The following SIGLEC10 variants were observed in gnomAD, a reference collection of about 807,000 sequenced individuals.
SIGLEC10 encodes sialic acid-binding Ig-like lectin 10.
SIGLEC10 carries 45 observed loss-of-function variants against 68.3 expected under a neutral mutation model. The ratio of observed to expected loss-of-function variants is 0.66; its 90% CI spans 0.52 to 0.84. SIGLEC10 has a LOEUF of 0.84. Among genes scored for constraint, SIGLEC10 ranks in the 40% least tolerant of loss-of-function variants. The pLI, the probability that SIGLEC10 is intolerant of heterozygous loss-of-function variation, is 0.00. For missense variants in SIGLEC10, 789 were observed against 883.1 expected, an observed-to-expected ratio of 0.89 and a Z score of 1.35; for synonymous variants, 379 against 370.8, an observed-to-expected ratio of 1.02 and a Z score of -0.26.
intron 10 of SIGLEC10, among the ~76,000 whole-genome samples, chr19:51,413,271 G>A (rs1475439113): frequency 6.6e-6 from 1 of 152,136 alleles, no homozygotes; most frequent in Non-Finnish European, 1.5e-5. Flanking sequence ...TAAAGAAATT[G>A]AGGCACAGAG....
chr19:51,413,387 G>A (rs778910666), intron 10 of SIGLEC10, among the ~76,000 whole-genome samples: 17 of 152,120 alleles, frequency 1.1e-4, no homozygotes, highest in Non-Finnish European at 1.9e-4. Context: ...CCAGCCTCCC[G>A]ATGATACACA....
At position 51,415,306 on chromosome 19, in the gene SIGLEC10, G is replaced by A; in HGVS notation, c.1205C>T (p.Ser402Phe). The stretch of plus-strand genomic sequence containing the variant: ...CAGGACCCCGGGGTCTGAGGGCTGG[G>A]AGGGGCTCAGAACCTGTCCCCTCTG... The part of the protein sequence containing the change: ...WTQRGQVLSP[S>F]QPSDPGVLEL... Residue 402 changes from serine (S) to phenylalanine (F), a missense_variant, in exon 7 of 11, where the codon TCC becomes TTC. Transcript: ENST00000339313. The A allele has an allele frequency of 6.2e-7, 1 of 1,614,060 alleles. No individual in the cohort carries two copies. The highest frequency in any genetic ancestry group is 8.5e-7 in the Non-Finnish European group (1 of 1,179,960).
intron 3 of SIGLEC10, 141 bp from the exon 4 acceptor site, chr19:51,416,498 G>T: frequency 6.3e-7 from 1 of 1,588,022 alleles, no homozygotes; most frequent in South Asian, 1.1e-5. Context: ...GTGTGGACCA[G>T]ACGCCATTCC....
chr19:51,411,211 C>T lies in SIGLEC10; in HGVS notation c.1982G>A (p.Ser661Asn). The T allele has an allele frequency of 1.9e-6, 3 of 1,613,434 alleles. No homozygotes were observed. The South Asian group carries it at 3.3e-5, about 18-fold the overall frequency. ...SSTQAPESQE[S>N]QEELHYATLN... ...CGTGGCATAATGGAGCTCCTCTTGG[C>T]TCTCCTGGGATTCTGGGGCTTGAGT... The change falls in exon 11 of 11, where the codon AGC becomes AAC. Residue 661 changes from serine to asparagine, a missense_variant. Coordinates refer to ENST00000339313, the MANE Select transcript of SIGLEC10 (RefSeq NM_033130.5).
Position 51,414,712 on chromosome 19 carries a change from A to T in SIGLEC10, c.1615+112T>A. ...ATTGTGTTTTCCTGTCTACATACAG[A>T]TGCCACGGGTCTGCTGTGTCCCTCC... On this transcript the variant is annotated intron_variant, in intron 8 of 10. Coordinates refer to ENST00000339313, the MANE Select transcript of SIGLEC10 (RefSeq NM_033130.5). The surrounding 1 kb of genome is among the most constrained non-coding windows in gnomAD (Gnocchi z 4.1). 1 of 1,528,290 alleles carries T rather than the reference A, an allele frequency of 6.5e-7. No individual in the cohort carries two copies. Among genetic ancestry groups the T allele is most frequent in the African/African-American group, 1.4e-5 (1 of 71,812 alleles). The allele number at this position is 1,528,290 out of a possible 1,614,324, so 94.7% of individuals were successfully genotyped here. A position where few individuals can be genotyped will look rare whatever the true frequency, so the allele number is the denominator to read the frequency against.
chr19:51,416,525 CT>C lies in SIGLEC10; in HGVS notation c.706+140del, dbSNP rs1434114366. 3.2e-6 allele frequency: 5 copies of C among 1,571,298 alleles called. No homozygotes were observed. The Admixed American group carries it at 9.4e-5, about 30-fold the overall frequency. The stretch of plus-strand genomic sequence containing the variant: ...CGCCATTCCCATCCCCCTCCCAGGG[CT>C]GCGGCGGCATCCTGGGACCCCACAG... On this transcript the variant is annotated intron_variant, in intron 3 of 10. Coordinates refer to ENST00000339313, the MANE Select transcript of SIGLEC10 (RefSeq NM_033130.5).
chr19:51,414,401 C>T lies in SIGLEC10; in HGVS notation c.1709+21G>A. On this transcript the variant is annotated intron_variant, in intron 9 of 10. Coordinates refer to ENST00000339313, the MANE Select transcript of SIGLEC10 (RefSeq NM_033130.5). The surrounding 1 kb of genome is among the most constrained non-coding windows in gnomAD (Gnocchi z 4.1). Reference sequence around the variant, plus strand: ...TCCTGGGTCCAGGCCCCAGACCCCGCCACGCCTCCTCTTAACCTACATGAT... The same window carrying T: ...TCCTGGGTCCAGGCCCCAGACCCCGTCACGCCTCCTCTTAACCTACATGAT... 1 of 1,607,172 alleles carries T rather than the reference C, an allele frequency of 6.2e-7. No homozygotes were observed. Among genetic ancestry groups the T allele is most frequent in the Non-Finnish European group, 8.5e-7 (1 of 1,175,912 alleles).
Position 51,411,505 on chromosome 19 carries a change from T to C in SIGLEC10, c.1822-134A>G, listed in dbSNP as rs575733067. 37 of 1,148,398 alleles carry C rather than the reference T, an allele frequency of 3.2e-5. No homozygotes were observed. The Admixed American group carries it at 1.0e-3, about 31-fold the overall frequency. 71.1% of individuals were successfully genotyped at this position (1,148,398 alleles called of 1,614,324 possible). On this transcript the variant is annotated intron_variant, in intron 10 of 10. Transcript: ENST00000339313. ...TGCCTTGCTGAGCTTGCATTCCATC[T>C]TGGAAGGAGGAACAGACAATAATTA...
intron 10 of SIGLEC10, 94 bp from the exon 11 acceptor site, chr19:51,411,465 C>CT: frequency 6.7e-7 from 1 of 1,491,376 alleles, no homozygotes; most frequent in South Asian, 1.3e-5. Flanking sequence ...CAGAGTGAAA[C>CT]TAAGTCCCTG....
chr19:51,412,452 G>C (rs1419579822), intron 10 of SIGLEC10, among the ~76,000 whole-genome samples: 3 of 151,972 alleles, frequency 2.0e-5, no homozygotes, highest in African/African-American at 7.3e-5. Context: ...CTAAGATGGG[G>C]ATAGAGATGG....
Position 51,415,227 on chromosome 19 carries a change from C to T in SIGLEC10, c.1284G>A (p.Arg428=). 6.2e-7 allele frequency: 1 copy of T among 1,613,386 alleles called. No homozygotes were observed. Among genetic ancestry groups the T allele is most frequent in the Non-Finnish European group, 8.5e-7 (1 of 1,179,578 alleles). ...EHEGEFTCHA[R]HPLGSQHVSL... is the part of the protein sequence containing the mutation. ...AGACGTGCTGGGAGCCCAGTGGGTG[C>T]CGAGCGTGGCAGGTGAACTCTCCTT... Residue 428 remains arginine (R), a synonymous_variant, in exon 7 of 11, where the codon CGG becomes CGA. Coordinates refer to ENST00000339313, the MANE Select transcript of SIGLEC10 (RefSeq NM_033130.5).
chr19:51,417,521 C>T (rs756403190), intron 1 of SIGLEC10, 24 bp downstream of exon 1: 6 of 1,614,108 alleles, frequency 3.7e-6, no homozygotes, highest in Non-Finnish European at 5.1e-6. Context: ...GCCCCAGGTC[C>T]TTTCCGGCCC....
At position 51,410,868 on chromosome 19, in the gene SIGLEC10, C is replaced by T. The variant is rs567595002; in HGVS notation, c.*231G>A. On this transcript the variant is annotated 3_prime_UTR_variant, in exon 11 of 11. Transcript: ENST00000339313. Reference sequence around the variant, plus strand: ...TTCACCAAGTTGGCCAGGCTGGTCTCGAACTCCCGACCTCAGGCGATCTGC... The same window carrying T: ...TTCACCAAGTTGGCCAGGCTGGTCTTGAACTCCCGACCTCAGGCGATCTGC... 4 of 440,398 alleles carry T rather than the reference C, an allele frequency of 9.1e-6. No individual in the cohort carries two copies. The Admixed American group carries it at 1.5e-4, about 16-fold the overall frequency. 27.3% of individuals were successfully genotyped at this position (440,398 alleles called of 1,614,324 possible).
chr19:51,416,144 T>C lies in SIGLEC10; in HGVS notation c.778A>G (p.Asn260Asp), dbSNP rs1211537901. 1 of 1,609,400 alleles carries C rather than the reference T, an allele frequency of 6.2e-7. No individual in the cohort carries two copies. The highest frequency in any genetic ancestry group is 1.3e-5 in the African/African-American group (1 of 74,500). ...TTTTGGGCTTCCAGGTATGGGACATTTCCCTGGGGCTGGGGCTCCAGGGCT... is the reference window on the plus strand; with the variant it reads ...TTTTGGGCTTCCAGGTATGGGACATCTCCCTGGGGCTGGGGCTCCAGGGCT... The part of the protein sequence containing the change: ...TPALEPQPQG[N>D]VPYLEAQKGQ... The change falls in exon 5 of 11, where the codon AAT becomes GAT. Residue 260 changes from asparagine (N) to aspartate (D), a missense_variant. Coordinates refer to ENST00000339313, the MANE Select transcript of SIGLEC10 (RefSeq NM_033130.5).
At position 51,417,610 on chromosome 19, in the gene SIGLEC10, G is replaced by T; in HGVS notation, c.-29C>A. Reference sequence around the variant, plus strand: ...CGCATAGGAGGCGCAGGGCCTGCCTGAGACAGGCCTGTTCTCTGGTCGTGC... The same window carrying T: ...CGCATAGGAGGCGCAGGGCCTGCCTTAGACAGGCCTGTTCTCTGGTCGTGC... On this transcript the variant is annotated 5_prime_UTR_variant, in exon 1 of 11. Coordinates refer to ENST00000339313, the MANE Select transcript of SIGLEC10 (RefSeq NM_033130.5). 6.2e-7 allele frequency: 1 copy of T among 1,613,842 alleles called. No homozygotes were observed. The highest frequency in any genetic ancestry group is 1.1e-5 in the South Asian group (1 of 91,084).
At chr19:51,415,686 G>T in intron 5 of SIGLEC10, 71 bp from the exon 6 acceptor site, 1 of 1,611,008 alleles carries the variant, frequency 6.2e-7, no homozygotes, top group East Asian at 2.2e-5. Context: ...AACCATCCTG[G>T]ACACTGAGGT....
chr19:51,411,010 G>A lies in SIGLEC10; in HGVS notation c.*89C>T, dbSNP rs1297389558. 4 of 1,412,284 alleles carry A rather than the reference G, an allele frequency of 2.8e-6. No homozygotes were observed. The highest frequency in any genetic ancestry group is 3.8e-6 in the Non-Finnish European group (4 of 1,039,318). The allele number at this position is 1,412,284 out of a possible 1,614,324, so 87.5% of individuals were successfully genotyped here. A position where few individuals can be genotyped will look rare whatever the true frequency, so the allele number is the denominator to read the frequency against. The stretch of plus-strand genomic sequence containing the variant: ...AGAGAGAAAGAGAGAGAGAGAGGGA[G>A]AGAAGGAAACTTTGCACTCTGTTAT... On this transcript the variant is annotated 3_prime_UTR_variant, in exon 11 of 11. Transcript: ENST00000339313.
chr19:51,413,831 A>G lies in SIGLEC10; in HGVS notation c.1710-8T>C. ...TTCGGTAGAATCTTCATGCTGAGGAAATGAACCCACCTGTTTGTGCCCTGC... is the reference window on the plus strand; with the variant it reads ...TTCGGTAGAATCTTCATGCTGAGGAGATGAACCCACCTGTTTGTGCCCTGC... On this transcript the variant is annotated splice_region_variant and splice_polypyrimidine_tract_variant and intron_variant, in intron 9 of 10. Coordinates refer to ENST00000339313, the MANE Select transcript of SIGLEC10 (RefSeq NM_033130.5). 2 of 1,612,354 alleles carry G rather than the reference A, an allele frequency of 1.2e-6. No individual in the cohort carries two copies. Among genetic ancestry groups the G allele is most frequent in the Non-Finnish European group, 1.7e-6 (2 of 1,178,444 alleles).
rs749569453 is a variant in SIGLEC10, at chr19:51,415,090, C to T, written c.1349G>A (p.Gly450Asp). 6.3e-7 allele frequency: 1 copy of T among 1,578,296 alleles called. No individual in the cohort carries two copies. Among genetic ancestry groups the T allele is most frequent in the Non-Finnish European group, 8.6e-7 (1 of 1,163,378 alleles). Residue 450 changes from glycine to aspartate, a missense_variant, in exon 8 of 11, where the codon GGC (glycine) becomes GAC (aspartate). Coordinates refer to ENST00000339313, the MANE Select transcript of SIGLEC10 (RefSeq NM_033130.5). ...CTCAGCCTCCCAGGAGCAGGAGGGG[C>T]CCAGCAGCTTCGGGGAGTCTGAGGG... Reference protein sequence around the residue: ...LSVHYSPKLLGPSCSWEAEGL... With the variant: ...LSVHYSPKLLDPSCSWEAEGL...
Sources: allele counts gnomAD v4.1 joint callset (sites outside exome capture counted in the v4.1 genomes callset), GRCh38; gene constraint gnomAD v4.1.1; non-coding constraint Gnocchi (gnomAD v3.1); transcripts MANE v1.5; gene names NCBI Gene and HGNC (gene_info 2026-07-23, HGNC 2026-07-21).